The following NTRK2 variants were observed in gnomAD, a reference collection of about 807,000 sequenced individuals.
NTRK2 encodes neurotrophic receptor tyrosine kinase 2.
NTRK2 carries 13 observed loss-of-function variants against 94.5 expected under a neutral mutation model. The observed-to-expected ratio is 0.14, with a 90% confidence interval of 0.09 to 0.22. NTRK2 has a LOEUF of 0.22. NTRK2 is among the 10% of genes least tolerant of loss of function. NTRK2 has a pLI of 1.00. For missense variants in NTRK2, 639 were observed against 1,071.2 expected, an observed-to-expected ratio of 0.60 and a Z score of 5.63; for synonymous variants, 372 against 407.4, an observed-to-expected ratio of 0.91 and a Z score of 1.05.
intron 14 of NTRK2, among the ~76,000 whole-genome samples, chr9:84,904,200 C>T (rs1210905544): frequency 3.3e-5 from 5 of 152,200 alleles, no homozygotes; most frequent in Non-Finnish European, 7.3e-5. Context: ...ATGCATTCCT[C>T]TAGGAATCAC....
intron 12 of NTRK2, among the ~76,000 whole-genome samples, chr9:84,794,431 T>C (rs1259007186): frequency 1.3e-5 from 2 of 152,322 alleles, no homozygotes; most frequent in Admixed American, 6.5e-5. Flanking sequence ...GTTAACATCA[T>C]GGCATAGCCA....
intron 12 of NTRK2, among the ~76,000 whole-genome samples, chr9:84,824,440 C>G (rs111455370): frequency 6.6e-6 from 1 of 152,192 alleles, no homozygotes; most frequent in Non-Finnish European, 1.5e-5. Flanking sequence ...ATCTTAGACC[C>G]TGGCAAATTG....
chr9:84,868,061 C>A (rs1272644862), intron 14 of NTRK2, among the ~76,000 whole-genome samples: 4 of 152,178 alleles, frequency 2.6e-5, no homozygotes, highest in Admixed American at 6.5e-5. Context: ...TTTCTAAGGG[C>A]CTTTTGTGCT....
chr9:84,764,536 G>T (rs371730000), intron 12 of NTRK2, among the ~76,000 whole-genome samples: 43 of 152,136 alleles, frequency 2.8e-4, no homozygotes, highest in African/African-American at 8.2e-4. Context: ...AGGGTCATAG[G>T]ATTATAGAAA....
At chr9:84,879,899 G>C (rs756150026) in intron 14 of NTRK2, among the ~76,000 whole-genome samples, 85 of 152,308 alleles carry the variant, frequency 5.6e-4, no homozygotes, top group Non-Finnish European at 7.2e-4. Context: ...ACCTGCCAGT[G>C]GGCAGAGCCC....
chr9:85,021,547 A>G lies in NTRK2; in HGVS notation c.*110A>G. Reference sequence around the variant, plus strand: ...CACCAAGCTGCTCTCCTTCACTCTGACAGTATTAACATCAAAGACTCCGAG... The same window carrying G: ...CACCAAGCTGCTCTCCTTCACTCTGGCAGTATTAACATCAAAGACTCCGAG... On this transcript the variant is annotated 3_prime_UTR_variant, in exon 19 of 19. Coordinates refer to ENST00000277120, the MANE Select transcript of NTRK2 (RefSeq NM_006180.6). 9.6e-7 allele frequency: 1 copy of G among 1,039,670 alleles called. No individual in the cohort carries two copies. Among genetic ancestry groups the G allele is most frequent in the Non-Finnish European group, 1.5e-6 (1 of 662,704 alleles). 64.4% of individuals were successfully genotyped at this position (1,039,670 alleles called of 1,614,324 possible). A position where few individuals can be genotyped will look rare whatever the true frequency, so the allele number is the denominator to read the frequency against.
At chr9:84,682,962 A>G (rs1275655463) in intron 2 of NTRK2, among the ~76,000 whole-genome samples, 1 of 152,180 alleles carries the variant, frequency 6.6e-6, no homozygotes, top group Admixed American at 6.5e-5. Context: ...TGTACCTTCT[A>G]CTTGTGTCCT....
intron 13 of NTRK2, among the ~76,000 whole-genome samples, chr9:84,865,065 C>T (rs1191660368): frequency 6.6e-6 from 1 of 151,972 alleles, no homozygotes; most frequent in African/African-American, 2.4e-5. Context: ...TAATTGATGG[C>T]CAGAAGCTGG....
At chr9:84,745,651 A>T (rs2064003649) in intron 11 of NTRK2, among the ~76,000 whole-genome samples, 1 of 152,190 alleles carries the variant, frequency 6.6e-6, no homozygotes, top group Non-Finnish European at 1.5e-5. Context: ...TTTGTGGGGC[A>T]AGTGACTTTT....
In NTRK2 at chr9:84,826,890, G is replaced by GT. The variant is rs954387960; in HGVS notation, c.1397-34146dup. 2.3e-4 allele frequency among the ~76,000 whole-genome samples: 35 copies of GT among 152,154 alleles called. 1 individual carries two copies. Among genetic ancestry groups the GT allele is most frequent in the African/African-American group, 8.2e-4 (34 of 41,448 alleles). The stretch of plus-strand genomic sequence containing the variant: ...TTAGTCATAAAAACACTTTGAAGGA[G>GT]TTTTGTGTTTGTTGAATGAATAAAC... On this transcript the variant is annotated intron_variant, in intron 12 of 18. Transcript: ENST00000277120.
At chr9:84,901,545 C>T (rs749724819) in intron 14 of NTRK2, among the ~76,000 whole-genome samples, 7 of 152,026 alleles carry the variant, frequency 4.6e-5, no homozygotes, top group East Asian at 1.9e-4. Flanking sequence ...ATTTTTAAGA[C>T]GTAAACAGTG....
intron 14 of NTRK2, among the ~76,000 whole-genome samples, chr9:84,909,506 G>A (rs1047632562): frequency 6.6e-6 from 1 of 151,832 alleles, no homozygotes; most frequent in African/African-American, 2.4e-5. Flanking sequence ...AGACATTGCC[G>A]AAACATTTTC....
intron 4 of NTRK2, among the ~76,000 whole-genome samples, chr9:84,707,356 ATAAAATGTCTTTCC>A (rs2061170577): frequency 6.6e-6 from 1 of 152,300 alleles, no homozygotes; most frequent in South Asian, 2.1e-4. Flanking sequence ...TTTTTTATCA[ATAAAATGTCTTTCC>A]TATAAAGACG....
At chr9:85,011,420 G>C (rs1831558998) in intron 17 of NTRK2, among the ~76,000 whole-genome samples, 1 of 151,730 alleles carries the variant, frequency 6.6e-6, no homozygotes, top group Admixed American at 6.5e-5. Flanking sequence ...CTAGCCCTTA[G>C]TATGACTCTA....
intron 13 of NTRK2, 58 bp downstream of exon 13, chr9:84,861,145 A>C: frequency 7.6e-7 from 1 of 1,318,978 alleles, no homozygotes; most frequent in East Asian, 2.3e-5. Context: ...TTTTATTCGG[A>C]TGAAAATGCT....
intron 9 of NTRK2, among the ~76,000 whole-genome samples, chr9:84,731,205 T>C (rs1459573303): frequency 1.3e-5 from 2 of 152,148 alleles, no homozygotes; most frequent in African/African-American, 4.8e-5. Flanking sequence ...GAAGCTGAAG[T>C]GGGCAGATCG....
chr9:84,701,801 T>C (rs2060740207), intron 2 of NTRK2, among the ~76,000 whole-genome samples: 1 of 152,214 alleles, frequency 6.6e-6, no homozygotes, highest in African/African-American at 2.4e-5. Context: ...TCTGTGGCTC[T>C]CACCGTAAGA....
At chr9:84,684,982 AG>A (rs1479530060) in intron 2 of NTRK2, among the ~76,000 whole-genome samples, 1 of 151,430 alleles carries the variant, frequency 6.6e-6, no homozygotes, top group Non-Finnish European at 1.5e-5. Context: ...TTTCTAGTAA[AG>A]CTTATTTTTT....
intron 12 of NTRK2, among the ~76,000 whole-genome samples, chr9:84,849,409 A>G (rs990802804): frequency 3.3e-5 from 5 of 152,186 alleles, no homozygotes; most frequent in South Asian, 2.1e-4. Context: ...GGGGAGTCCA[A>G]TTATCTTCTG....
Sources: gnomAD v4.1 joint callset for allele counts (sites outside exome capture counted in the v4.1 genomes callset) on GRCh38, gnomAD v4.1.1 for gene constraint, MANE v1.5 for transcripts, NCBI Gene and HGNC (gene_info 2026-07-23, HGNC 2026-07-21) for gene names.